The following BARX2 variants were observed in gnomAD, a reference collection of about 807,000 sequenced individuals.
BARX2 encodes the protein BARX homeobox 2, also known as homeobox protein BarH-like 2.
In BARX2, 11 loss-of-function variants were observed where a neutral mutation model predicts 25.5. The observed-to-expected ratio is 0.43, with a 90% CI of 0.27 to 0.71. The LOEUF is 0.71. Ranked by LOEUF, BARX2 falls within the 30% of genes least tolerant of loss-of-function variation. BARX2 has a pLI of 0.19. For missense variants in BARX2, 360 were observed against 359.9 expected (o/e 1.00, Z 0.00); for synonymous variants, 137 against 149.5 (o/e 0.92, Z 0.61).
chr11:129,439,286 T>TTTA (rs1862229748), intron 2 of BARX2, among the ~76,000 whole-genome samples: 1 of 152,036 alleles, frequency 6.6e-6, no homozygotes, highest in African/African-American at 2.4e-5. Flanking sequence ...CAATTTTTTT[T>TTTA]TTATTATTAT....
At position 129,418,955 on chromosome 11, in the gene BARX2, C is replaced by T. The variant is rs543946199; in HGVS notation, c.188-17796C>T. Among the ~76,000 whole-genome samples, 15 of 152,272 alleles carry T rather than the reference C, an allele frequency of 9.9e-5. No homozygotes were observed. The East Asian group carries it at 2.5e-3, about 25-fold the overall frequency. On this transcript the variant is annotated intron_variant, in intron 1 of 3. Coordinates refer to ENST00000281437, the MANE Select transcript of BARX2 (RefSeq NM_003658.5). ...CATTAATCTTGGCCTGGCCACTGTC[C>T]GTGTGGAGTTTGCACGTTCTCTCCA...
intron 1 of BARX2, among the ~76,000 whole-genome samples, chr11:129,399,245 G>A (rs1301909282): frequency 3.3e-5 from 5 of 152,132 alleles, no homozygotes; most frequent in African/African-American, 1.2e-4. Context: ...CTGTTCTTAT[G>A]GGAAGACCTT....
At chr11:129,380,762 T>G (rs1861554552) in intron 1 of BARX2, among the ~76,000 whole-genome samples, 1 of 152,088 alleles carries the variant, frequency 6.6e-6, no homozygotes, top group South Asian at 2.1e-4. Flanking sequence ...TCCTTAACTG[T>G]TATCTCACTA....
intron 1 of BARX2, among the ~76,000 whole-genome samples, chr11:129,435,619 T>G: frequency 6.6e-6 from 1 of 152,160 alleles, no homozygotes; most frequent in South Asian, 2.1e-4. Context: ...TCATCAGATA[T>G]CAAATGGGGA....
In BARX2 at chr11:129,411,469, T is replaced by A. The variant is rs941249827; in HGVS notation, c.188-25282T>A. 7.2e-5 allele frequency among the ~76,000 whole-genome samples: 11 copies of A among 152,262 alleles called. No individual in the cohort carries two copies. The South Asian group carries it at 2.1e-3, about 29-fold the overall frequency. On this transcript the variant is annotated intron_variant, in intron 1 of 3. Coordinates refer to ENST00000281437, the MANE Select transcript of BARX2 (RefSeq NM_003658.5). The stretch of plus-strand genomic sequence containing the variant: ...AAGTTATGCTCAGCAAATAGCACTT[T>A]CAGGGGAGCTTTGCTTACATGGCAA...
rs1241078346 is a variant in BARX2 at position 129,376,081 on chromosome 11, A to G, written c.46A>G (p.Lys16Glu). The stretch of plus-strand genomic sequence containing the variant: ...GAGGCTGAGCTCGCCCGGCCAGCTC[A>G]AAGCAGCCAGGCGGCGCTACAAGAC... ...ELRLSSPGQL[K>E]AARRRYKTFM... The change falls in exon 1 of 4, where the codon AAA becomes GAA. Residue 16 changes from lysine (K) to glutamate (E), a missense_variant. Physicochemically the swap from Lys to Glu is moderately conservative, Grantham distance 56. Transcript: ENST00000281437. The surrounding 1 kb of genome is among the most constrained non-coding windows in gnomAD (Gnocchi z 4.2). 6.2e-7 allele frequency: 1 copy of G among 1,610,448 alleles called. No homozygotes were observed. Among genetic ancestry groups the G allele is most frequent in the Middle Eastern group, 1.7e-4 (1 of 6,054 alleles).
At chr11:129,444,734 G>T (rs996858616) in intron 3 of BARX2, among the ~76,000 whole-genome samples, 1 of 152,162 alleles carries the variant, frequency 6.6e-6, no homozygotes, top group African/African-American at 2.4e-5. Flanking sequence ...CGGCACGGTG[G>T]CTCACGCCTG....
chr11:129,441,456 A>G (rs1862257737), intron 2 of BARX2, among the ~76,000 whole-genome samples: 1 of 152,038 alleles, frequency 6.6e-6, no homozygotes, highest in Admixed American at 6.6e-5. Flanking sequence ...ATTTTTATTT[A>G]TTTATTTATT....
chr11:129,396,443 CTAGTAGACTATATTT>C (rs1861722457), intron 1 of BARX2, among the ~76,000 whole-genome samples: 1 of 151,488 alleles, frequency 6.6e-6, no homozygotes, highest in Non-Finnish European at 1.5e-5. Flanking sequence ...TCACACCTAG[CTAGTAGACTATATTT>C]TCTGCAGTGA....
At chr11:129,382,862 C>T (rs1861582184) in intron 1 of BARX2, among the ~76,000 whole-genome samples, 1 of 152,128 alleles carries the variant, frequency 6.6e-6, no homozygotes, top group South Asian at 2.1e-4. Context: ...GTGGCACCCT[C>T]TCTTGGAAGC....
chr11:129,384,605 A>G (rs1861601146), intron 1 of BARX2, among the ~76,000 whole-genome samples: 2 of 152,176 alleles, frequency 1.3e-5, no homozygotes, highest in Non-Finnish European at 1.5e-5. Flanking sequence ...GACTTTGCAC[A>G]TTTCCTAATG....
intron 1 of BARX2, among the ~76,000 whole-genome samples, chr11:129,417,606 A>C (rs1461376298): frequency 1.3e-5 from 2 of 152,212 alleles, no homozygotes; most frequent in Non-Finnish European, 2.9e-5. Flanking sequence ...GCAGAGATGA[A>C]AGCACGCTAC....
chr11:129,437,337 T>C (rs529408289), intron 2 of BARX2: 2 of 641,450 alleles, frequency 3.1e-6, no homozygotes, highest in South Asian at 1.5e-4. Context: ...GTTTAGCAAA[T>C]GGTTGCTCAG....
At chr11:129,407,397 G>A (rs3019797) in intron 1 of BARX2, among the ~76,000 whole-genome samples, 109,915 of 152,108 alleles carry the variant, frequency 0.72, 40,473 homozygotes, top group East Asian at 0.92. Context: ...CTTAGATGAC[G>A]TTGTTTCCAA....
chr11:129,427,141 GAGAA>G lies in BARX2; in HGVS notation c.188-9603_188-9600del, dbSNP rs1369076071. On this transcript the variant is annotated intron_variant, in intron 1 of 3. Coordinates refer to ENST00000281437, the MANE Select transcript of BARX2 (RefSeq NM_003658.5). ...AGCATTATGAAACTAAGTGAAGGGA[GAGAA>G]AGAAAGGGAACCAAGTGCCCCCTGG... 4.6e-5 allele frequency among the ~76,000 whole-genome samples: 7 copies of G among 152,324 alleles called. No homozygotes were observed. The East Asian group carries it at 1.3e-3, about 29-fold the overall frequency.
chr11:129,449,258 C>T (rs1388018144), intron 3 of BARX2, among the ~76,000 whole-genome samples: 1 of 152,218 alleles, frequency 6.6e-6, no homozygotes, highest in South Asian at 2.1e-4. Context: ...AATTCAGCAC[C>T]TGGAGGTCCT....
upstream of BARX2, among the ~76,000 whole-genome samples, chr11:129,375,502 C>G (rs1034493316): frequency 2.6e-5 from 4 of 152,138 alleles, no homozygotes; most frequent in African/African-American, 9.7e-5. The surrounding 1 kb of genome is among the most constrained non-coding windows in gnomAD (Gnocchi z 4.0). Flanking sequence ...GGGGAGCTAC[C>G]GGCCTGGGCC....
chr11:129,393,142 A>G (rs1861682591), intron 1 of BARX2, among the ~76,000 whole-genome samples: 1 of 152,108 alleles, frequency 6.6e-6, no homozygotes, highest in Non-Finnish European at 1.5e-5. Flanking sequence ...AGCTGAGACC[A>G]GAGGATTGCT....
intron 1 of BARX2, among the ~76,000 whole-genome samples, chr11:129,384,463 T>G (rs922041681): frequency 1.3e-5 from 2 of 152,056 alleles, no homozygotes; most frequent in Non-Finnish European, 2.9e-5. Flanking sequence ...TTTCCCAGAG[T>G]CCTTTTCACT....
Sources: gnomAD v4.1 joint callset for allele counts (sites outside exome capture counted in the v4.1 genomes callset) on GRCh38, gnomAD v4.1.1 for gene constraint, Gnocchi (gnomAD v3.1) non-coding constraint, MANE v1.5 for transcripts, NCBI Gene and HGNC (gene_info 2026-07-23, HGNC 2026-07-21) for gene names.